SORBS2: variants seen among roughly 807,000 people sequenced by gnomAD.
SORBS2 encodes sorbin and SH3 domain containing 2.
SORBS2 carries 46 observed loss-of-function variants against 97.7 expected under a neutral mutation model. The observed-to-expected ratio is 0.47, with a 90% CI of 0.37 to 0.60. The LOEUF is 0.60. SORBS2 is among the 20% of genes least tolerant of loss of function. The pLI is 0.00. For synonymous variants in SORBS2, 476 were observed against 473.4 expected (o/e 1.01, Z -0.07); for missense variants, 1,316 against 1,282.3 (o/e 1.03, Z -0.40).
chr4:185,872,797 A>G (rs1456974989), intron 1 of SORBS2, among the ~76,000 whole-genome samples: 2 of 152,244 alleles, frequency 1.3e-5, no homozygotes, highest in Admixed American at 1.3e-4. Flanking sequence ...TGGGTACCTC[A>G]GGCCTTTCTC....
intron 2 of SORBS2, among the ~76,000 whole-genome samples, chr4:185,737,185 A>G (rs1418341051): frequency 6.6e-6 from 1 of 152,210 alleles, no homozygotes; most frequent in Non-Finnish European, 1.5e-5. Context: ...TCAAGGCAAG[A>G]TAGAAGGAGA....
At chr4:185,900,828 C>T (rs1169316180) in intron 1 of SORBS2, among the ~76,000 whole-genome samples, 3 of 152,010 alleles carry the variant, frequency 2.0e-5, no homozygotes, top group Non-Finnish European at 4.4e-5. Flanking sequence ...ATATTTCAGA[C>T]CAAGAATCTG....
chr4:185,924,763 C>G (rs915946526), intron 1 of SORBS2, among the ~76,000 whole-genome samples: 1 of 152,224 alleles, frequency 6.6e-6, no homozygotes, highest in Non-Finnish European at 1.5e-5. Flanking sequence ...ACTTTGCTGC[C>G]GCACAGCGAG....
chr4:185,808,832 A>T (rs1026448242), intron 1 of SORBS2, among the ~76,000 whole-genome samples: 2 of 152,208 alleles, frequency 1.3e-5, no homozygotes, highest in African/African-American at 4.8e-5. Context: ...TCAACTCAAC[A>T]TTAGTTTTAA....
intron 1 of SORBS2, among the ~76,000 whole-genome samples, chr4:185,936,715 G>A (rs2099269129): frequency 6.6e-6 from 1 of 152,038 alleles, no homozygotes; most frequent in Non-Finnish European, 1.5e-5. Flanking sequence ...CCAATTTTAG[G>A]GCTAGAAAAC....
chr4:185,755,517 C>T (rs1055867386), intron 2 of SORBS2, among the ~76,000 whole-genome samples: 1 of 152,216 alleles, frequency 6.6e-6, no homozygotes, highest in East Asian at 1.9e-4. Context: ...TCATAAAATA[C>T]ACAACTTGAA....
intron 4 of SORBS2, among the ~76,000 whole-genome samples, chr4:185,643,741 GA>G (rs1455537384): frequency 2.0e-5 from 3 of 152,148 alleles, no homozygotes; most frequent in African/African-American, 7.2e-5. Context: ...GAGCAACACA[GA>G]ATTGCCCAGG....
At chr4:185,793,778 C>T (rs2099092197) in intron 1 of SORBS2, among the ~76,000 whole-genome samples, 1 of 152,110 alleles carries the variant, frequency 6.6e-6, no homozygotes, top group East Asian at 1.9e-4. Flanking sequence ...GTGAGGTATC[C>T]TTTGCACAAA....
intron 1 of SORBS2, among the ~76,000 whole-genome samples, chr4:185,815,109 A>G (rs1396828496): frequency 1.3e-5 from 2 of 152,258 alleles, no homozygotes; most frequent in African/African-American, 4.8e-5. Context: ...TGACAAGGAC[A>G]CTTGGCATTA....
exon 6 of SORBS2, chr4:185,626,907 C>G (rs2096825014): frequency 6.2e-7 from 1 of 1,614,064 alleles, no homozygotes; most frequent in African/African-American, 1.3e-5. Flanking sequence ...CCTGGGAGGT[C>G]CACTCGGCCT....
At chr4:185,815,715 G>A (rs907866154) in intron 1 of SORBS2, among the ~76,000 whole-genome samples, 9 of 152,066 alleles carry the variant, frequency 5.9e-5, no homozygotes, top group Admixed American at 1.3e-4. Flanking sequence ...AAGTTATACC[G>A]TATGCACACC....
At chr4:185,650,788 T>C (rs1236193556) in intron 2 of SORBS2, among the ~76,000 whole-genome samples, 1 of 152,116 alleles carries the variant, frequency 6.6e-6, no homozygotes, top group Non-Finnish European at 1.5e-5. Flanking sequence ...GGAGCAGGGA[T>C]GAAATTAAGG....
intron 4 of SORBS2, among the ~76,000 whole-genome samples, chr4:185,642,804 C>T (rs2097148001): frequency 6.6e-6 from 1 of 152,086 alleles, no homozygotes; most frequent in Non-Finnish European, 1.5e-5. Flanking sequence ...TCTCTGTATC[C>T]CAGGGAATCG....
In SORBS2 at chr4:185,586,265, G is replaced by A. The variant is rs560631538; in HGVS notation, c.*1362C>T. The A allele has an allele frequency of 2.6e-5, 4 of 152,750 alleles. No individual in the cohort carries two copies. In the East Asian group the frequency reaches 7.7e-4, roughly 29 times the overall value. The allele number at this position is 152,750 out of a possible 1,614,324, so 9.5% of individuals were successfully genotyped here. A position where few individuals can be genotyped will look rare whatever the true frequency, so the allele number is the denominator to read the frequency against. On this transcript the variant is annotated 3_prime_UTR_variant, in exon 15 of 15. Coordinates refer to ENST00000418609, the Ensembl canonical transcript of SORBS2. Reference sequence around the variant, plus strand: ...TACAAAGCTAGTTTTCGGAGCAGGTGTAATTCAGGCACTGTGAACCATATT... The same window carrying A: ...TACAAAGCTAGTTTTCGGAGCAGGTATAATTCAGGCACTGTGAACCATATT...
chr4:185,907,457 C>T (rs1471737079), intron 1 of SORBS2, among the ~76,000 whole-genome samples: 2 of 152,174 alleles, frequency 1.3e-5, no homozygotes, highest in Non-Finnish European at 2.9e-5. Flanking sequence ...GTCTTTATAA[C>T]ATAATTGTCA....
At chr4:185,781,556 T>C (rs954427196) in intron 1 of SORBS2, among the ~76,000 whole-genome samples, 82 of 127,968 alleles carry the variant, frequency 6.4e-4, no homozygotes, top group South Asian at 1.1e-3. Context: ...GCCTCCAGCC[T>C]CTCCAGCCTC....
chr4:185,695,761 G>C (rs1461111841), intron 2 of SORBS2, among the ~76,000 whole-genome samples: 1 of 152,058 alleles, frequency 6.6e-6, no homozygotes, highest in Non-Finnish European at 1.5e-5. Flanking sequence ...ACTTAATTCA[G>C]GTTGACATTT....
Position 185,841,337 on chromosome 4 carries a change from AG to A in SORBS2, c.-337-65972del, listed in dbSNP as rs374936450. On this transcript the variant is annotated intron_variant, in intron 1 of 20. Transcript: ENST00000284776. ...GCAAAGGTTGGGGGGAGATTAGTGG[AG>A]GTGAGACATTCAGATATTTGAGGGA... is the stretch of plus-strand genomic sequence containing the variant. Among the ~76,000 whole-genome samples, 17 of 152,266 alleles carry A rather than the reference AG, an allele frequency of 1.1e-4. 1 individual carries two copies. The East Asian group carries it at 3.3e-3, about 29-fold the overall frequency.
intron 1 of SORBS2, among the ~76,000 whole-genome samples, chr4:185,840,891 T>C (rs2099211087): frequency 6.6e-6 from 1 of 151,504 alleles, no homozygotes; most frequent in African/African-American, 2.4e-5. Context: ...CAAGGAGAGA[T>C]GCTCCAAACT....
Sources: allele counts gnomAD v4.1 joint callset (sites outside exome capture counted in the v4.1 genomes callset), GRCh38; gene constraint gnomAD v4.1.1; transcripts MANE v1.5; gene names NCBI Gene and HGNC (gene_info 2026-07-23, HGNC 2026-07-21).